The following IFFO2 variants were observed in gnomAD, a reference collection of about 807,000 sequenced individuals.
The protein encoded by IFFO2 is intermediate filament family orphan 2.
A neutral mutation model predicts 53.5 loss-of-function variants in IFFO2; 19 were observed. The observed-to-expected ratio is 0.36, with a 90% CI of 0.25 to 0.52. The LOEUF (loss-of-function observed/expected upper bound fraction) is 0.52, where lower values mean the gene tolerates loss of function less well. IFFO2 is among the 20% of genes least tolerant of loss of function. The probability of loss-of-function intolerance (pLI) is 0.94; values close to 1 mark genes in which losing one functional copy is unlikely to be tolerated. For missense variants in IFFO2, 570 were observed against 727.4 expected (o/e 0.78, Z 2.49); for synonymous variants, 303 against 313.6 (o/e 0.97, Z 0.36).
rs76273406 is a variant in IFFO2 at position 18,954,855 on chromosome 1, G to A, written c.665+813C>T. On this transcript the variant is annotated intron_variant, in intron 1 of 8. Coordinates refer to ENST00000455833, the MANE Select transcript of IFFO2 (RefSeq NM_001136265.2). ...GTGGTCTCAGTCCATTCAATGTCCA[G>A]TCTCCAGCCCAACATTATCTTCTCC... Among the ~76,000 whole-genome samples the A allele has an allele frequency of 3.8e-4, 58 of 152,328 alleles. No individual in the cohort carries two copies. In the East Asian group the frequency reaches 8.1e-3, roughly 21 times the overall value.
chr1:18,939,766 G>A (rs966723305), intron 1 of IFFO2, among the ~76,000 whole-genome samples: 19 of 152,192 alleles, frequency 1.2e-4, no homozygotes, highest in African/African-American at 4.6e-4. Context: ...CTCTGTGAAA[G>A]GCTAAACAAA....
intron 1 of IFFO2, among the ~76,000 whole-genome samples, chr1:18,931,347 C>G (rs760287900): frequency 1.3e-5 from 2 of 152,222 alleles, no homozygotes; most frequent in Non-Finnish European, 2.9e-5. Context: ...TTGTCTCAAC[C>G]AGCATCTCAC....
chr1:18,928,208 G>A lies in IFFO2; in HGVS notation c.666-7087C>T, dbSNP rs1319160226. 3.3e-5 allele frequency among the ~76,000 whole-genome samples: 5 copies of A among 152,156 alleles called. No homozygotes were observed. The highest frequency in any genetic ancestry group is 6.5e-5 in the Admixed American group (1 of 15,284). The stretch of plus-strand genomic sequence containing the variant: ...CCTGCCCCAAGCCCCACCCCCTGGG[G>A]ACACCTGGCACCACCTCTTGTGGCC... On this transcript the variant is annotated intron_variant, in intron 1 of 8. Transcript: ENST00000455833. This position sits in a 1 kb window ranked among gnomAD's most constrained non-coding sequence, Gnocchi z 4.9.
chr1:18,934,608 AGC>A (rs1287235854), intron 1 of IFFO2, among the ~76,000 whole-genome samples: 1 of 152,244 alleles, frequency 6.6e-6, no homozygotes, highest in African/African-American at 2.4e-5. Context: ...AAAACAGGTA[AGC>A]CAGATAAAAC....
At chr1:18,923,657 C>T (rs1936244670) in intron 1 of IFFO2, among the ~76,000 whole-genome samples, 1 of 152,204 alleles carries the variant, frequency 6.6e-6, no homozygotes, top group African/African-American at 2.4e-5. Flanking sequence ...TGTCTAAGGT[C>T]ACAGAGCTAG....
In IFFO2 at chr1:18,934,938, T is replaced by C. The variant is rs545937719; in HGVS notation, c.666-13817A>G. Among the ~76,000 whole-genome samples, 9 of 152,278 alleles carry C rather than the reference T, an allele frequency of 5.9e-5. No homozygotes were observed. The South Asian group carries it at 1.7e-3, about 28-fold the overall frequency. ...TTGTACCCTCACATTTGCATATGTG[T>C]CCAGGTATCCCTCTGGGATACCCAG... On this transcript the variant is annotated intron_variant, in intron 1 of 8. Transcript: ENST00000455833.
At position 18,905,363 on chromosome 1, in the gene IFFO2, C is replaced by T. The variant is rs1935932070; in HGVS notation, c.*3198G>A. The T allele has an allele frequency of 6.6e-6, 1 of 152,212 alleles. No homozygotes were observed. The highest frequency in any genetic ancestry group is 2.4e-5 in the African/African-American group (1 of 41,454). The allele number at this position is 152,212 out of a possible 1,614,324, so 9.4% of individuals were successfully genotyped here. On this transcript the variant is annotated 3_prime_UTR_variant, in exon 9 of 9. Coordinates refer to ENST00000455833, the MANE Select transcript of IFFO2 (RefSeq NM_001136265.2). ...AACAACATGCACCATGTCTCGTCCACAGGAAAATGCTGGGCTACCACAACT... is the reference window on the plus strand; with the variant it reads ...AACAACATGCACCATGTCTCGTCCATAGGAAAATGCTGGGCTACCACAACT...
chr1:18,913,226 C>T (rs1024819326), intron 5 of IFFO2, among the ~76,000 whole-genome samples: 6 of 152,334 alleles, frequency 3.9e-5, no homozygotes, highest in Non-Finnish European at 5.9e-5. Flanking sequence ...GGAGTCAGGC[C>T]GGGCCGGCTC....
chr1:18,934,129 C>G lies in IFFO2; in HGVS notation c.666-13008G>C, dbSNP rs1272056220. Among the ~76,000 whole-genome samples, 3 of 120,612 alleles carry G rather than the reference C, an allele frequency of 2.5e-5. No homozygotes were observed. In the Admixed American group the frequency reaches 3.5e-4, roughly 14 times the overall value. 79.1% of individuals were successfully genotyped at this position (120,612 alleles called of 152,430 possible). Reference sequence around the variant, plus strand: ...TTGCCCAGGCTGGAGTGCAGTGGTACAATCACACAACTCACTGCACCTCCA... The same window carrying G: ...TTGCCCAGGCTGGAGTGCAGTGGTAGAATCACACAACTCACTGCACCTCCA... On this transcript the variant is annotated intron_variant, in intron 1 of 8. Transcript: ENST00000455833.
Position 18,908,646 on chromosome 1 carries a change from G to A in IFFO2, c.1469C>T (p.Ser490Phe). Residue 490 changes from serine to phenylalanine, a missense_variant, in exon 9 of 9, where the codon TCC becomes TTC. Coordinates refer to ENST00000455833, the MANE Select transcript of IFFO2 (RefSeq NM_001136265.2). ...ACTTCCTGAGTCGCTGCTGGCCACG[G>A]AGCTGGGGGACGGTGAATTCCTGAG... ...SADRNSPSPS[S>F]VASSDSGSTD... 2 of 1,551,570 alleles carry A rather than the reference G, an allele frequency of 1.3e-6. No homozygotes were observed. Among genetic ancestry groups the A allele is most frequent in the Non-Finnish European group, 1.7e-6 (2 of 1,146,866 alleles).
chr1:18,946,280 A>G (rs1355814741), intron 1 of IFFO2, among the ~76,000 whole-genome samples: 1 of 152,114 alleles, frequency 6.6e-6, no homozygotes, highest in Non-Finnish European at 1.5e-5. Flanking sequence ...CTTCCATTTC[A>G]TAGAAGTGAA....
chr1:18,917,070 A>C lies in IFFO2; in HGVS notation c.964-28T>G, dbSNP rs886393790. 38 of 1,551,160 alleles carry C rather than the reference A, an allele frequency of 2.4e-5. No homozygotes were observed. Among genetic ancestry groups the C allele is most frequent in the Non-Finnish European group, 3.1e-5 (36 of 1,146,430 alleles). On this transcript the variant is annotated intron_variant, in intron 4 of 8. Coordinates refer to ENST00000455833, the MANE Select transcript of IFFO2 (RefSeq NM_001136265.2). This position sits in a 1 kb window ranked among gnomAD's most constrained non-coding sequence, Gnocchi z 5.9. ...GAACCGGAAAGGAAGCAATCAAGGT[A>C]ACTGGGGGGCTCGGCTAGGATGGAA...
rs955190576 is a variant in IFFO2, at chr1:18,916,465, A to C, written c.1103+438T>G. ...AACATATGAAATTTCCCAAATTACA[A>C]ATGTTGAAAATGAGTCTTGGCTGTG... is the stretch of plus-strand genomic sequence containing the variant. On this transcript the variant is annotated intron_variant, in intron 5 of 8. Transcript: ENST00000455833. The surrounding 1 kb of genome is among the most constrained non-coding windows in gnomAD (Gnocchi z 4.3). Among the ~76,000 whole-genome samples, 12 of 152,214 alleles carry C rather than the reference A, an allele frequency of 7.9e-5. No individual in the cohort carries two copies. The highest frequency in any genetic ancestry group is 2.6e-4 in the African/African-American group (11 of 41,536).
chr1:18,925,524 C>T (rs1395869045), intron 1 of IFFO2, among the ~76,000 whole-genome samples: 2 of 152,198 alleles, frequency 1.3e-5, no homozygotes, highest in African/African-American at 4.8e-5. Flanking sequence ...GGGGCTGGCA[C>T]TCATCTCGGG....
Position 18,906,770 on chromosome 1 carries a change from A to C in IFFO2, c.*1791T>G, listed in dbSNP as rs1182763110. ...GCTAACAAGAGATGCTGACTATGGA[A>C]GTGTCACAGCCAGACTGCCACAGGG... On this transcript the variant is annotated 3_prime_UTR_variant, in exon 9 of 9. Coordinates refer to ENST00000455833, the MANE Select transcript of IFFO2 (RefSeq NM_001136265.2). The C allele has an allele frequency of 6.6e-6, 1 of 152,198 alleles. No individual in the cohort carries two copies. The highest frequency in any genetic ancestry group is 2.4e-5 in the African/African-American group (1 of 41,444). 9.4% of individuals were successfully genotyped at this position (152,198 alleles called of 1,614,324 possible). A position where few individuals can be genotyped will look rare whatever the true frequency, so the allele number is the denominator to read the frequency against.
intron 1 of IFFO2, among the ~76,000 whole-genome samples, chr1:18,926,058 TTGGATGGA>T (rs1197590902): frequency 1.5e-4 from 7 of 48,256 alleles, no homozygotes; most frequent in East Asian, 7.1e-4. Context: ...GATGGATTGG[TTGGATGGA>T]TGGATGGATG....
At chr1:18,912,412 C>G (rs1936054855) in intron 5 of IFFO2, among the ~76,000 whole-genome samples, 4 of 152,012 alleles carry the variant, frequency 2.6e-5, no homozygotes, top group Admixed American at 2.6e-4. Context: ...ATTTCTTGAG[C>G]CTCTAGTTTG....
Position 18,928,182 on chromosome 1 carries a change from G to A in IFFO2, c.666-7061C>T, listed in dbSNP as rs530218817. 8.5e-5 allele frequency among the ~76,000 whole-genome samples: 13 copies of A among 152,154 alleles called. No individual in the cohort carries two copies. The South Asian group carries it at 2.7e-3, about 32-fold the overall frequency. ...CTGCGCATGAAAGAGGCCCCCTCCT[G>A]CCTGCCCCAAGCCCCACCCCCTGGG... On this transcript the variant is annotated intron_variant, in intron 1 of 8. Coordinates refer to ENST00000455833, the MANE Select transcript of IFFO2 (RefSeq NM_001136265.2). This position sits in a 1 kb window ranked among gnomAD's most constrained non-coding sequence, Gnocchi z 4.9.
In IFFO2 at chr1:18,936,952, G is replaced by A. The variant is rs1165319832; in HGVS notation, c.666-15831C>T. ...TGCAAACACAAACTGGCTGCAGGTG[G>A]GGCAAAAAAAAAAAAAAAGCACAGA... On this transcript the variant is annotated intron_variant, in intron 1 of 8. Transcript: ENST00000455833. The surrounding 1 kb of genome is among the most constrained non-coding windows in gnomAD (Gnocchi z 4.5). 1.5e-4 allele frequency among the ~76,000 whole-genome samples: 9 copies of A among 59,502 alleles called. No individual in the cohort carries two copies. Among genetic ancestry groups the A allele is most frequent in the Non-Finnish European group, 3.2e-4 (9 of 27,992 alleles). 39.0% of individuals were successfully genotyped at this position (59,502 alleles called of 152,430 possible).
Sources: allele counts gnomAD v4.1 joint callset (sites outside exome capture counted in the v4.1 genomes callset), GRCh38; gene constraint gnomAD v4.1.1; non-coding constraint Gnocchi (gnomAD v3.1); transcripts MANE v1.5; gene names NCBI Gene and HGNC (gene_info 2026-07-23, HGNC 2026-07-21).